MEIS3: variants seen among roughly 807,000 people sequenced by gnomAD.
MEIS3 encodes homeobox protein Meis3.
In MEIS3, 38 loss-of-function variants were observed where a neutral mutation model predicts 51.4. That is an observed-to-expected ratio of 0.74 (90% CI 0.57 to 0.97). The LOEUF (loss-of-function observed/expected upper bound fraction) is 0.97. MEIS3 is among the 50% of genes least tolerant of loss of function. The pLI, the probability that MEIS3 is intolerant of heterozygous loss-of-function variation, is 0.00. For synonymous variants in MEIS3, 198 were observed against 201.8 expected (o/e 0.98, Z 0.16); for missense variants, 456 against 502.6 (o/e 0.91, Z 0.89).
chr19:47,407,859 A>G (rs1236693432), intron 8 of MEIS3, among the ~76,000 whole-genome samples: 1 of 152,018 alleles, frequency 6.6e-6, no homozygotes. Context: ...CCAGGCTGGA[A>G]TGCAGTGGCG....
At chr19:47,413,071 G>A (rs995339380) in intron 6 of MEIS3, among the ~76,000 whole-genome samples, 29 of 151,828 alleles carry the variant, frequency 1.9e-4, no homozygotes, top group African/African-American at 6.5e-4. Flanking sequence ...TTGTGACACT[G>A]TTGTTGCGAT....
In MEIS3 at chr19:47,414,602, G is replaced by C. The variant is rs1277489004; in HGVS notation, c.597+115C>G. On this transcript the variant is annotated intron_variant, in intron 6 of 12. Transcript: ENST00000558555. Reference sequence around the variant, plus strand: ...GTGGCTGTGTGCATATGCGTGCCCTGTGATCAGGCTGACTGTGGCTTCGTC... The same window carrying C: ...GTGGCTGTGTGCATATGCGTGCCCTCTGATCAGGCTGACTGTGGCTTCGTC... 2.4e-6 allele frequency: 3 copies of C among 1,266,726 alleles called. No individual in the cohort carries two copies. In the East Asian group the frequency reaches 7.6e-5, roughly 32 times the overall value. 78.5% of individuals were successfully genotyped at this position (1,266,726 alleles called of 1,614,324 possible).
At position 47,409,480 on chromosome 19, in the gene MEIS3, C is replaced by T. The variant is rs1421500611; in HGVS notation, c.665G>A (p.Ser222Asn). ...SVHLGTPGPS[S>N]GGLASQSGDN... The stretch of plus-strand genomic sequence containing the variant: ...CCCACTCTGGGAGGCCAGGCCCCCA[C>T]TGGATGGACCTGGGGTCCCCAAATG... The change falls in exon 7 of 13, where the codon AGT (serine) becomes AAT (asparagine). Residue 222 changes from serine to asparagine, a missense_variant. Ser to Asn is a conservative substitution (Grantham distance 46, BLOSUM62 1). Transcript: ENST00000558555. 1 of 1,614,172 alleles carries T rather than the reference C, an allele frequency of 6.2e-7. No individual in the cohort carries two copies. Among genetic ancestry groups the T allele is most frequent in the Non-Finnish European group, 8.5e-7 (1 of 1,179,998 alleles).
Position 47,417,166 on chromosome 19 carries a change from G to C in MEIS3, c.185+12C>G, listed in dbSNP as rs756710404. 77 of 1,534,806 alleles carry C rather than the reference G, an allele frequency of 5.0e-5. No homozygotes were observed. The highest frequency in any genetic ancestry group is 6.5e-5 in the Non-Finnish European group (74 of 1,146,128). On this transcript the variant is annotated intron_variant, in intron 2 of 12. Transcript: ENST00000558555. ...AGAGAGAGACAGGAGCCTGAGACCC[G>C]GCCCCACTCACCCATAGATCTCATC...
Position 47,403,235 on chromosome 19 carries a change from C to G in MEIS3, c.*336G>C. ...AAAATGTCGGATCCGGGCGACCCTC[C>G]TTCCCTGACTGCCCAGCCACCCCGT... On this transcript the variant is annotated 3_prime_UTR_variant, in exon 13 of 13. Transcript: ENST00000558555. 1 of 329,594 alleles carries G rather than the reference C, an allele frequency of 3.0e-6. No individual in the cohort carries two copies. Among genetic ancestry groups the G allele is most frequent in the Non-Finnish European group, 6.0e-6 (1 of 167,346 alleles). 20.4% of individuals were successfully genotyped at this position (329,594 alleles called of 1,614,324 possible). A position where few individuals can be genotyped will look rare whatever the true frequency, so the allele number is the denominator to read the frequency against.
intron 4 of MEIS3, 151 bp from the exon 5 acceptor site, chr19:47,415,252 A>G: frequency 1.5e-6 from 1 of 655,084 alleles, no homozygotes; most frequent in Non-Finnish European, 2.8e-6. Context: ...TGCAGCAAAG[A>G]GAGACAAAGA....
chr19:47,415,526 G>A (rs1252342894), intron 4 of MEIS3, among the ~76,000 whole-genome samples: 1 of 151,548 alleles, frequency 6.6e-6, no homozygotes, highest in Non-Finnish European at 1.5e-5. Context: ...GGGAGCAAAG[G>A]ATGGGAGAAG....
intron 6 of MEIS3, among the ~76,000 whole-genome samples, chr19:47,413,958 A>C (rs2122533796): frequency 6.6e-6 from 1 of 150,808 alleles, no homozygotes; most frequent in East Asian, 1.9e-4. Context: ...AATGGTCTTG[A>C]TCTCCTGACC....
chr19:47,417,063 G>C, intron 2 of MEIS3, 100 bp from the exon 3 acceptor site: 2 of 1,528,830 alleles, frequency 1.3e-6, no homozygotes, highest in South Asian at 2.4e-5. Flanking sequence ...AAGAGACCCA[G>C]AGAGGGAAGG....
intron 6 of MEIS3, 52 bp downstream of exon 6, chr19:47,414,664 TC>T: frequency 1.3e-6 from 2 of 1,542,436 alleles, no homozygotes; most frequent in South Asian, 2.4e-5. Context: ...TCATGCGGTG[TC>T]CAGGCACAGC....
rs759458899 is a variant in MEIS3 at position 47,417,335 on chromosome 19, G to C, written c.28C>G (p.His10Asp). The change falls in exon 2 of 13, where the codon CAC becomes GAC. Residue 10 changes from histidine (H) to aspartate (D), a missense_variant. Coordinates refer to ENST00000558555, the MANE Select transcript of MEIS3 (RefSeq NM_001301059.2). MARRYDELP[H>D]YPGIVDGPAA... ...GGGCCATCCACGATGCCTGGGTAGT[G>C]CGGCAGCTCATCATACTGGGGGAAG... 2 of 1,613,326 alleles carry C rather than the reference G, an allele frequency of 1.2e-6. No individual in the cohort carries two copies. Among genetic ancestry groups the C allele is most frequent in the South Asian group, 1.1e-5 (1 of 90,866 alleles).
rs2122498321 is a variant in MEIS3 at position 47,409,461 on chromosome 19, C to G, written c.684G>C (p.Gln228His). The change falls in exon 7 of 13, where the codon CAG (glutamine) becomes CAC (histidine). Residue 228 changes from glutamine (Q) to histidine (H), a missense_variant. Transcript: ENST00000558555. ...CTTGGTCACTGGAGTTGTCCCCACT[C>G]TGGGAGGCCAGGCCCCCACTGGATG... ...PGPSSGGLASQSGDNSSDQGD... is the reference protein window; with the variant it reads ...PGPSSGGLASHSGDNSSDQGD... The G allele has an allele frequency of 1.2e-6, 2 of 1,614,094 alleles. No individual in the cohort carries two copies. Among genetic ancestry groups the G allele is most frequent in the Non-Finnish European group, 8.5e-7 (1 of 1,179,926 alleles).
chr19:47,406,203 T>A, intron 12 of MEIS3: 1 of 382,252 alleles, frequency 2.6e-6, no homozygotes, highest in Non-Finnish European at 4.7e-6. Flanking sequence ...GAATGAGTAA[T>A]TGAGTAACGG....
intron 6 of MEIS3, among the ~76,000 whole-genome samples, chr19:47,410,688 C>G (rs1414076877): frequency 1.3e-5 from 2 of 151,962 alleles, no homozygotes; most frequent in African/African-American, 2.4e-5. Flanking sequence ...ATGGCATGAA[C>G]CTGGGAGGCA....
At chr19:47,409,862 C>CAAA (rs555488853) in intron 6 of MEIS3, among the ~76,000 whole-genome samples, 1 of 124,590 alleles carries the variant, frequency 8.0e-6, no homozygotes, top group Non-Finnish European at 1.7e-5. Context: ...GACTCCGTGT[C>CAAA]AAAAAAAAAA....
rs775098899 is a variant in MEIS3, at chr19:47,406,445, C to T, written c.*17+15G>A. The T allele has an allele frequency of 1.9e-6, 3 of 1,609,472 alleles. No homozygotes were observed. In the Admixed American group the frequency reaches 5.0e-5, roughly 27 times the overall value. On this transcript the variant is annotated intron_variant, in intron 12 of 12. Coordinates refer to ENST00000558555, the MANE Select transcript of MEIS3 (RefSeq NM_001301059.2). Reference sequence around the variant, plus strand: ...TTTGAGAATTGCACAATCCCCAGCCCTTAGACCCTCACACCTCTCCTGCAT... The same window carrying T: ...TTTGAGAATTGCACAATCCCCAGCCTTTAGACCCTCACACCTCTCCTGCAT...
intron 3 of MEIS3, 27 bp downstream of exon 3, chr19:47,416,777 G>A (rs1187382022): frequency 2.7e-5 from 43 of 1,612,548 alleles, no homozygotes; most frequent in African/African-American, 5.3e-5. Context: ...TCTCTGACTC[G>A]GTGTGTGGTG....
At chr19:47,406,316 T>G in intron 12 of MEIS3, 144 bp downstream of exon 12, 1 of 595,958 alleles carries the variant, frequency 1.7e-6, no homozygotes, top group Non-Finnish European at 3.0e-6. Flanking sequence ...GACAGATGGA[T>G]GAATATCTTC....
intron 8 of MEIS3, 153 bp from the exon 9 acceptor site, chr19:47,407,581 A>C (rs919061862): frequency 1.3e-6 from 2 of 1,493,714 alleles, no homozygotes; most frequent in Non-Finnish European, 1.8e-6. Context: ...GCTCCCCAGG[A>C]TGGAGACCAA....
Sources: gnomAD v4.1 joint callset for allele counts (sites outside exome capture counted in the v4.1 genomes callset) on GRCh38, gnomAD v4.1.1 for gene constraint, MANE v1.5 for transcripts, NCBI Gene and HGNC (gene_info 2026-07-23, HGNC 2026-07-21) for gene names.